ZNF596: variants seen among roughly 807,000 people sequenced by gnomAD.
The protein encoded by ZNF596 is zinc finger protein 596.
ZNF596 carries 45 observed loss-of-function variants against 48.3 expected under a neutral mutation model. That is an observed-to-expected ratio of 0.93 (90% CI 0.73 to 1.19). The LOEUF is 1.19. ZNF596 is among the 50% of genes most tolerant of loss of function. ZNF596 has a pLI of 0.00. For missense variants in ZNF596, 848 were observed against 599.7 expected (o/e 1.41, Z -4.32); for synonymous variants, 270 against 202.0 (o/e 1.34, Z -2.85).
intron 3 of ZNF596, chr8:243,462 G>A: frequency 2.6e-6 from 1 of 377,702 alleles, no homozygotes; most frequent in South Asian, 4.3e-5. Context: ...TTCTCACTAA[G>A]TGAAAACACT....
chr8:237,822 G>C (rs1173396067), intron 1 of ZNF596, among the ~76,000 whole-genome samples: 1 of 152,210 alleles, frequency 6.6e-6, no homozygotes, highest in Non-Finnish European at 1.5e-5. Context: ...ACATGTAGCA[G>C]ACCCATTAAA....
intron 1 of ZNF596, chr8:237,411 T>C (rs1796662076): frequency 6.6e-6 from 1 of 152,232 alleles, no homozygotes; most frequent in Non-Finnish European, 1.5e-5. Flanking sequence ...TCTTGGTTTA[T>C]GAGTGTTTTT....
At chr8:238,510 C>T (rs562859693) in intron 1 of ZNF596, among the ~76,000 whole-genome samples, 2 of 151,172 alleles carry the variant, frequency 1.3e-5, no homozygotes, top group South Asian at 4.2e-4. Context: ...TAAAGAAATA[C>T]AGGTTTCTGG....
Position 232,894 on chromosome 8 carries a change from G to C in ZNF596, c.-73+200G>C, listed in dbSNP as rs908260303. On this transcript the variant is annotated intron_variant, in intron 1 of 5. Coordinates refer to ENST00000398612, the MANE Select transcript of ZNF596 (RefSeq NM_001042416.3). ...ACAGGACCCTGAGTCCGAGACTGGGGTAGGGGACCTGCCCGATCCTGTAAC... is the reference window on the plus strand; with the variant it reads ...ACAGGACCCTGAGTCCGAGACTGGGCTAGGGGACCTGCCCGATCCTGTAAC... 4 of 467,936 alleles carry C rather than the reference G, an allele frequency of 8.5e-6. No homozygotes were observed. In the East Asian group the frequency reaches 2.8e-4, roughly 33 times the overall value. The allele number at this position is 467,936 out of a possible 1,614,324, so 29.0% of individuals were successfully genotyped here.
Position 245,549 on chromosome 8 carries a change from T to A in ZNF596, c.702T>A (p.His234Gln). The change falls in exon 6 of 6, where the codon CAT (histidine) becomes CAA (glutamine). Residue 234 changes from histidine (H) to glutamine (Q), a missense_variant. His to Gln is a conservative substitution (Grantham distance 24). Transcript: ENST00000398612. ...ATCTATGTGGGAAAGCCTTTACTCA[T>A]TGCTCTGATCTTCGAAAACATGAGA... ...GCHLCGKAFT[H>Q]CSDLRKHERT... The A allele has an allele frequency of 2.5e-6, 4 of 1,612,610 alleles. No individual in the cohort carries two copies. Among genetic ancestry groups the A allele is most frequent in the Non-Finnish European group, 3.4e-6 (4 of 1,179,498 alleles).
At chr8:233,679 A>T (rs1796512342) in intron 1 of ZNF596, 1 of 152,264 alleles carries the variant, frequency 6.6e-6, no homozygotes, top group Non-Finnish European at 1.5e-5. Flanking sequence ...TAATGAATAG[A>T]CTGCTCAAAG....
intron 1 of ZNF596, among the ~76,000 whole-genome samples, chr8:236,331 T>C (rs1477769721): frequency 3.9e-5 from 6 of 152,190 alleles, no homozygotes; most frequent in Non-Finnish European, 7.3e-5. Context: ...TTGATTCCAC[T>C]TTTTCAAGTT....
At position 244,685 on chromosome 8, in the gene ZNF596, C is replaced by G. The variant is rs745947864; in HGVS notation, c.290C>G (p.Ser97Cys). The G allele has an allele frequency of 6.2e-7, 1 of 1,613,162 alleles. No individual in the cohort carries two copies. The highest frequency in any genetic ancestry group is 1.7e-5 in the Admixed American group (1 of 59,944). ...FIQHIYQKGT[S>C]TISTMRSHTQ... is the part of the protein sequence containing the mutation. ...CAACATATCTATCAGAAGGGCACGT[C>G]CACCATCAGCACAATGGTAAGCTTT... is the stretch of plus-strand genomic sequence containing the variant. Residue 97 changes from serine (S) to cysteine (C), a missense_variant, in exon 5 of 6, where the codon TCC becomes TGC. Physicochemically the swap from Ser to Cys is moderately radical, Grantham distance 112 (BLOSUM62 -1). Transcript: ENST00000398612.
In ZNF596 at chr8:245,539, C is replaced by G. The variant is rs1413589150; in HGVS notation, c.692C>G (p.Ala231Gly). ...KPHGCHLCGK[A>G]FTHCSDLRKH... is the part of the protein sequence containing the mutation. Reference sequence around the variant, plus strand: ...CACGGATGTCATCTATGTGGGAAAGCCTTTACTCATTGCTCTGATCTTCGA... The same window carrying G: ...CACGGATGTCATCTATGTGGGAAAGGCTTTACTCATTGCTCTGATCTTCGA... The change falls in exon 6 of 6, where the codon GCC becomes GGC. Residue 231 changes from alanine to glycine, a missense_variant. Coordinates refer to ENST00000398612, the MANE Select transcript of ZNF596 (RefSeq NM_001042416.3). 2.5e-6 allele frequency: 4 copies of G among 1,614,024 alleles called. No homozygotes were observed. The African/African-American group carries it at 5.3e-5, about 22-fold the overall frequency.
intron 1 of ZNF596, chr8:233,827 C>G (rs1455512232): frequency 1.3e-5 from 2 of 152,294 alleles, no homozygotes; most frequent in South Asian, 2.1e-4. Flanking sequence ...CCGTGAAAGA[C>G]AAATCGCTGT....
chr8:243,700 T>C (rs1168409805), intron 3 of ZNF596, 22 bp from the exon 4 acceptor site: 1 of 1,611,552 alleles, frequency 6.2e-7, no homozygotes, highest in South Asian at 1.1e-5. Flanking sequence ...TCAAAATCCA[T>C]GTATCTTTTT....
intron 2 of ZNF596, 93 bp downstream of exon 2, chr8:241,000 A>C (rs1796831811): frequency 4.1e-6 from 6 of 1,467,390 alleles, no homozygotes; most frequent in Admixed American, 1.7e-5. Context: ...TTCTAAGTGC[A>C]CTCAAGGATC....
rs1796449510 is a variant in ZNF596, at chr8:232,586, G to A, written c.-181G>A. ...GAAATGCTCCGAAGCCTGTCGCCCA[G>A]CTGCCAGATCTGCGTCTGTGTCCGG... On this transcript the variant is annotated 5_prime_UTR_variant, in exon 1 of 6. Transcript: ENST00000398612. The A allele has an allele frequency of 3.1e-6, 1 of 319,920 alleles. No individual in the cohort carries two copies. 19.8% of individuals were successfully genotyped at this position (319,920 alleles called of 1,614,324 possible). A position where few individuals can be genotyped will look rare whatever the true frequency, so the allele number is the denominator to read the frequency against.
rs75868281 is a variant in ZNF596 at position 243,756 on chromosome 8, A to G, written c.174A>G (p.Gln58=). The G allele has an allele frequency of 4.1e-4, 662 of 1,613,822 alleles. 3 individuals are homozygous for G. In the South Asian group the frequency reaches 4.1e-3, roughly 10 times the overall value. The part of the protein sequence containing the change: ...KQLCKSVVLS[Q]LEQVEKLSTQ... Reference sequence around the variant, plus strand: ...TCTGCAAATCAGTTGTGCTTTCCCAATTGGAGCAAGTAGAGAAACTTTCAA... The same window carrying G: ...TCTGCAAATCAGTTGTGCTTTCCCAGTTGGAGCAAGTAGAGAAACTTTCAA... Residue 58 remains glutamine, a synonymous_variant, in exon 4 of 6, where the codon CAA becomes CAG. Coordinates refer to ENST00000398612, the MANE Select transcript of ZNF596 (RefSeq NM_001042416.3).
chr8:235,049 T>C (rs967703371), intron 1 of ZNF596, among the ~76,000 whole-genome samples: 4 of 152,232 alleles, frequency 2.6e-5, no homozygotes, highest in African/African-American at 7.2e-5. Flanking sequence ...AGTATTGATC[T>C]GGCCACAAAA....
rs376654400 is a variant in ZNF596, at chr8:246,385, C to T, written c.*23C>T. Reference sequence around the variant, plus strand: ...TAAGAATCATCAGCTGTAGCGTTAACACTAAATACACCAAGGACAAACATA... The same window carrying T: ...TAAGAATCATCAGCTGTAGCGTTAATACTAAATACACCAAGGACAAACATA... On this transcript the variant is annotated 3_prime_UTR_variant, in exon 6 of 6. Transcript: ENST00000398612. 3 of 1,543,942 alleles carry T rather than the reference C, an allele frequency of 1.9e-6. No homozygotes were observed. Among genetic ancestry groups the T allele is most frequent in the Non-Finnish European group, 2.6e-6 (3 of 1,152,548 alleles).
rs767878054 is a variant in ZNF596, at chr8:246,346, A to C, written c.1499A>C (p.Lys500Thr). 1.9e-6 allele frequency: 3 copies of C among 1,587,576 alleles called. No homozygotes were observed. In the Admixed American group the frequency reaches 5.6e-5, roughly 29 times the overall value. Reference protein sequence around the residue: ...LRQHERTHTKKAMNM With the variant: ...LRQHERTHTKTAMNM The stretch of plus-strand genomic sequence containing the variant: ...CAACATGAGAGAACTCACACTAAAA[A>C]AGCAATGAATATGTAAGAATCATCA... Residue 500 changes from lysine (K) to threonine (T), a missense_variant, in exon 6 of 6, where the codon AAA becomes ACA. Transcript: ENST00000398612.
chr8:244,394 C>G, intron 4 of ZNF596: 2 of 541,504 alleles, frequency 3.7e-6, no homozygotes, highest in Non-Finnish European at 6.5e-6. Flanking sequence ...TGGTCCTCTT[C>G]TTTGAAAATT....
rs1323310122 is a variant in ZNF596, at chr8:245,570, T to C, written c.723T>C (p.His241=). 1.2e-6 allele frequency: 2 copies of C among 1,614,042 alleles called. No individual in the cohort carries two copies. Among genetic ancestry groups the C allele is most frequent in the Admixed American group, 1.7e-5 (1 of 60,014 alleles). ...AFTHCSDLRK[H]ERTHTGEKPY... Reference sequence around the variant, plus strand: ...CTCATTGCTCTGATCTTCGAAAACATGAGAGAACTCACACTGGAGAGAAGC... The same window carrying C: ...CTCATTGCTCTGATCTTCGAAAACACGAGAGAACTCACACTGGAGAGAAGC... Residue 241 remains histidine (H), a synonymous_variant, in exon 6 of 6, where the codon CAT becomes CAC. Coordinates refer to ENST00000398612, the MANE Select transcript of ZNF596 (RefSeq NM_001042416.3).
Sources: gnomAD v4.1 joint callset for allele counts (sites outside exome capture counted in the v4.1 genomes callset) on GRCh38, gnomAD v4.1.1 for gene constraint, MANE v1.5 for transcripts, NCBI Gene and HGNC (gene_info 2026-07-23, HGNC 2026-07-21) for gene names.